Variants in PLA2R1 observed in about 807,000 individuals in gnomAD.
PLA2R1 encodes phospholipase A2 receptor 1.
In PLA2R1, 158 loss-of-function variants were observed where a neutral mutation model predicts 195.9. The ratio of observed to expected loss-of-function variants is 0.81; its 90% confidence interval spans 0.71 to 0.92. PLA2R1 has a LOEUF of 0.92. Among genes scored for constraint, PLA2R1 ranks in the 40% least tolerant of loss-of-function variants. PLA2R1 has a pLI of 0.00. For missense variants in PLA2R1, 1,626 were observed against 1,764.6 expected, an observed-to-expected ratio of 0.92 and a Z score of 1.41; for synonymous variants, 586 against 598.2, an observed-to-expected ratio of 0.98 and a Z score of 0.30.
In PLA2R1 at chr2:159,936,910, ACTTAT is replaced by A. The variant is rs1282394099; in HGVS notation, c.*4863_*4867del. On this transcript the variant is annotated 3_prime_UTR_variant, in exon 30 of 30. Coordinates refer to ENST00000283243, the MANE Select transcript of PLA2R1 (RefSeq NM_007366.5). Reference sequence around the variant, plus strand: ...GGGTTTGTTTCCACAGCACTCTCTAACTTATCTTAACATAGAAACTTTGTTCATAT... The same window carrying A: ...GGGTTTGTTTCCACAGCACTCTCTAACTTAACATAGAAACTTTGTTCATAT... 1.3e-5 allele frequency: 2 copies of A among 152,234 alleles called. No individual in the cohort carries two copies. Among genetic ancestry groups the A allele is most frequent in the African/African-American group, 4.8e-5 (2 of 41,462 alleles). 9.4% of individuals were successfully genotyped at this position (152,234 alleles called of 1,614,324 possible).
At position 159,941,555 on chromosome 2, in the gene PLA2R1, A is replaced by C; in HGVS notation, c.*223T>G. 1 of 370,432 alleles carries C rather than the reference A, an allele frequency of 2.7e-6. No individual in the cohort carries two copies. Among genetic ancestry groups the C allele is most frequent in the Non-Finnish European group, 4.9e-6 (1 of 206,172 alleles). 22.9% of individuals were successfully genotyped at this position (370,432 alleles called of 1,614,324 possible). ...TCTTTCTGAAAAATAACCAATGCAT[A>C]ATTTACCCCTTTTAAGAATGGATCA... On this transcript the variant is annotated 3_prime_UTR_variant, in exon 30 of 30. Coordinates refer to ENST00000283243, the MANE Select transcript of PLA2R1 (RefSeq NM_007366.5).
In PLA2R1 at chr2:159,981,506, A is replaced by G. The variant is rs1689954492; in HGVS notation, c.2184-1592T>C. On this transcript the variant is annotated intron_variant, in intron 13 of 29. Coordinates refer to ENST00000283243, the MANE Select transcript of PLA2R1 (RefSeq NM_007366.5). ...CTGCAACCTCCTCTTCCCAGGCTCAATTGATACTCCCACCTCAGTCTCCTG... is the reference window on the plus strand; with the variant it reads ...CTGCAACCTCCTCTTCCCAGGCTCAGTTGATACTCCCACCTCAGTCTCCTG... 3.3e-5 allele frequency among the ~76,000 whole-genome samples: 5 copies of G among 152,184 alleles called. No individual in the cohort carries two copies. In the South Asian group the frequency reaches 1.0e-3, roughly 32 times the overall value.
At position 159,932,794 on chromosome 2, in the gene PLA2R1, A is replaced by C. The variant is rs1444230892; in HGVS notation, c.*8984T>G. Reference sequence around the variant, plus strand: ...GGGAGGGCAAGGAGAAAACATTATAAATGGTCCTTTAACAATTTACAATTT... The same window carrying C: ...GGGAGGGCAAGGAGAAAACATTATACATGGTCCTTTAACAATTTACAATTT... On this transcript the variant is annotated 3_prime_UTR_variant, in exon 30 of 30. Coordinates refer to ENST00000283243, the MANE Select transcript of PLA2R1 (RefSeq NM_007366.5). The C allele has an allele frequency of 6.6e-6, 1 of 152,228 alleles. No homozygotes were observed. The highest frequency in any genetic ancestry group is 1.5e-5 in the Non-Finnish European group (1 of 68,038). The allele number at this position is 152,228 out of a possible 1,614,324, so 9.4% of individuals were successfully genotyped here.
At chr2:159,958,552 G>A (rs978880935) in intron 20 of PLA2R1, among the ~76,000 whole-genome samples, 1 of 152,052 alleles carries the variant, frequency 6.6e-6, no homozygotes, top group Non-Finnish European at 1.5e-5. Context: ...CTTAAAAGCA[G>A]AGAGACTAAG....
chr2:160,053,933 C>T (rs1267146901), intron 1 of PLA2R1, among the ~76,000 whole-genome samples: 2 of 152,226 alleles, frequency 1.3e-5, no homozygotes, highest in African/African-American at 4.8e-5. Flanking sequence ...GAGCTTTAAA[C>T]CCTAAGTGGA....
chr2:160,011,581 A>C (rs1458865171), intron 10 of PLA2R1, among the ~76,000 whole-genome samples: 1 of 152,232 alleles, frequency 6.6e-6, no homozygotes, highest in East Asian at 1.9e-4. Context: ...AAACAAAAAA[A>C]TAAAGAATAA....
At chr2:160,028,791 G>T (rs1414531522) in intron 5 of PLA2R1, 59 bp downstream of exon 5, 2 of 954,474 alleles carry the variant, frequency 2.1e-6, no homozygotes, top group African/African-American at 1.6e-5. Flanking sequence ...GGGAAATGCT[G>T]CTGTGTAAGG....
chr2:160,045,068 C>T lies in PLA2R1; in HGVS notation c.199G>A (p.Ala67Thr). 1 of 1,614,086 alleles carries T rather than the reference C, an allele frequency of 6.2e-7. No individual in the cohort carries two copies. The highest frequency in any genetic ancestry group is 8.5e-7 in the Non-Finnish European group (1 of 1,179,896). The change falls in exon 2 of 30, where the codon GCA (alanine) becomes ACA (threonine). Residue 67 changes from alanine to threonine, a missense_variant. Physicochemically the swap from Ala to Thr is moderately conservative, Grantham distance 58. Coordinates refer to ENST00000283243, the MANE Select transcript of PLA2R1 (RefSeq NM_007366.5). ...CATTTCCACAGCATGTGCTTGTTTG[C>T]TTGCTTGCAGTTCTCCAGGGTCAGA... The part of the protein sequence containing the change: ...SVLTLENCKQ[A>T]NKHMLWKWVS...
chr2:159,938,556 A>C lies in PLA2R1; in HGVS notation c.*3222T>G, dbSNP rs1409482979. 6.6e-6 allele frequency: 1 copy of C among 152,470 alleles called. No homozygotes were observed. The highest frequency in any genetic ancestry group is 1.5e-5 in the Non-Finnish European group (1 of 68,240). The allele number at this position is 152,470 out of a possible 1,614,324, so 9.4% of individuals were successfully genotyped here. ...AGGAGACACAGCCAGTTCTCAAGAG[A>C]TAAGACAGCACCAGGGACAGCCAGA... On this transcript the variant is annotated 3_prime_UTR_variant, in exon 30 of 30. Coordinates refer to ENST00000283243, the MANE Select transcript of PLA2R1 (RefSeq NM_007366.5).
At chr2:160,022,247 A>C (rs1693183147) in intron 7 of PLA2R1, among the ~76,000 whole-genome samples, 1 of 152,120 alleles carries the variant, frequency 6.6e-6, no homozygotes, top group African/African-American at 2.4e-5. Context: ...TCACCTCACC[A>C]AATAAATTAC....
rs376004317 is a variant in PLA2R1, at chr2:159,935,007, C to G, written c.*6771G>C. Reference sequence around the variant, plus strand: ...TTCCTTATCTTTCATGACCAGGACACTTTTGAAGTGATCATTTATCTTGTG... The same window carrying G: ...TTCCTTATCTTTCATGACCAGGACAGTTTTGAAGTGATCATTTATCTTGTG... On this transcript the variant is annotated 3_prime_UTR_variant, in exon 30 of 30. Transcript: ENST00000283243. 3 of 152,290 alleles carry G rather than the reference C, an allele frequency of 2.0e-5. No homozygotes were observed. Among genetic ancestry groups the G allele is most frequent in the African/African-American group, 4.8e-5 (2 of 41,556 alleles). 9.4% of individuals were successfully genotyped at this position (152,290 alleles called of 1,614,324 possible). A position where few individuals can be genotyped will look rare whatever the true frequency, so the allele number is the denominator to read the frequency against.
chr2:160,005,158 T>C (rs1248083839), intron 11 of PLA2R1, among the ~76,000 whole-genome samples: 2 of 152,198 alleles, frequency 1.3e-5, no homozygotes, highest in African/African-American at 4.8e-5. Flanking sequence ...ATTATACTTT[T>C]AAAAATGACC....
intron 3 of PLA2R1, among the ~76,000 whole-genome samples, chr2:160,040,602 T>A (rs1480115152): frequency 2.0e-5 from 3 of 152,142 alleles, no homozygotes; most frequent in Non-Finnish European, 4.4e-5. Context: ...ATTTAAACTA[T>A]CTCCCAGGTG....
intron 2 of PLA2R1, among the ~76,000 whole-genome samples, chr2:160,044,279 A>G (rs1694728647): frequency 6.6e-6 from 1 of 152,108 alleles, no homozygotes; most frequent in African/African-American, 2.4e-5. Context: ...TCTTCAAGTG[A>G]CTTGTAACAT....
In PLA2R1 at chr2:160,033,252, T is replaced by C. The variant is rs1693970185; in HGVS notation, c.668-120A>G. 4.4e-6 allele frequency: 3 copies of C among 680,296 alleles called. No homozygotes were observed. In the South Asian group the frequency reaches 7.2e-5, roughly 16 times the overall value. The allele number at this position is 680,296 out of a possible 1,614,324, so 42.1% of individuals were successfully genotyped here. On this transcript the variant is annotated intron_variant, in intron 3 of 29. Coordinates refer to ENST00000283243, the MANE Select transcript of PLA2R1 (RefSeq NM_007366.5). Reference sequence around the variant, plus strand: ...CAATCTCTAAAACTTCAGGGCCTTATCTATTCTTGATTAGGTCTTTATGAT... The same window carrying C: ...CAATCTCTAAAACTTCAGGGCCTTACCTATTCTTGATTAGGTCTTTATGAT...
rs149960520 is a variant in PLA2R1, at chr2:160,005,686, C to T, written c.1800G>A (p.Pro600=). The T allele has an allele frequency of 5.0e-6, 8 of 1,613,862 alleles. No individual in the cohort carries two copies. The highest frequency in any genetic ancestry group is 3.3e-5 in the Admixed American group (2 of 59,992). ...GTGTGTTCCAGTGTGTGTACTGCAC[C>T]GGCTCGGGTTTCTGCCCTACTGGCT... ...TWKPVGQKPE[P]VQYTHWNTHQ... The change falls in exon 11 of 30, where the codon CCG becomes CCA. Residue 600 remains proline (P), a synonymous_variant. Coordinates refer to ENST00000283243, the MANE Select transcript of PLA2R1 (RefSeq NM_007366.5).
chr2:160,002,940 A>G (rs1285645225), intron 11 of PLA2R1, among the ~76,000 whole-genome samples: 2 of 152,046 alleles, frequency 1.3e-5, no homozygotes, highest in African/African-American at 2.4e-5. Context: ...AGAATAATAG[A>G]AATTATATTC....
chr2:159,990,474 C>G lies in PLA2R1; in HGVS notation c.1835-3116G>C, dbSNP rs560832354. Among the ~76,000 whole-genome samples, 39 of 152,238 alleles carry G rather than the reference C, an allele frequency of 2.6e-4. 1 individual carries two copies. In the South Asian group the frequency reaches 6.4e-3, roughly 25 times the overall value. ...AATACCTAAAAACAAACCCATTGAC[C>G]AAAACTTTTTGTGCTGGCTTTTCAG... On this transcript the variant is annotated intron_variant, in intron 11 of 29. Transcript: ENST00000283243.
intron 11 of PLA2R1, among the ~76,000 whole-genome samples, chr2:159,990,869 T>C (rs1414886843): frequency 6.7e-6 from 1 of 150,238 alleles, no homozygotes; most frequent in Admixed American, 6.6e-5. Flanking sequence ...CCAGATTTAT[T>C]TGGGTCTACT....
Sources: gnomAD v4.1 joint callset for allele counts (sites outside exome capture counted in the v4.1 genomes callset) on GRCh38, gnomAD v4.1.1 for gene constraint, MANE v1.5 for transcripts, NCBI Gene and HGNC (gene_info 2026-07-23, HGNC 2026-07-21) for gene names.